Variants in DST observed in about 807,000 individuals in gnomAD.
The protein encoded by DST is dystonin.
A neutral mutation model predicts 875.2 loss-of-function variants in DST; 253 were observed. The observed-to-expected ratio is 0.29, with a 90% CI of 0.26 to 0.32. DST has a LOEUF of 0.32. DST is among the 10% of genes least tolerant of loss of function. The pLI, the probability that DST is intolerant of heterozygous loss-of-function variation, is 1.00. For synonymous variants in DST, 3,124 were observed against 3,197.1 expected (o/e 0.98, Z 0.77); for missense variants, 8,287 against 9,111.6 (o/e 0.91, Z 3.68).
At chr6:56,742,020 A>G (rs2099548639) in intron 4 of DST, among the ~76,000 whole-genome samples, 1 of 152,222 alleles carries the variant, frequency 6.6e-6, no homozygotes, top group South Asian at 2.1e-4. Flanking sequence ...TGAAATCCAA[A>G]CAAAGCTAAA....
chr6:56,679,622 T>A (rs1043227831), intron 9 of DST, among the ~76,000 whole-genome samples: 5 of 132,466 alleles, frequency 3.8e-5, no homozygotes, highest in Non-Finnish European at 7.8e-5. Flanking sequence ...AAAAAAAAAA[T>A]TAGCTGGGTA....
At position 56,611,551 on chromosome 6, in the gene DST, C is replaced by A; in HGVS notation, c.5104G>T (p.Ala1702Ser). 1 of 1,613,096 alleles carries A rather than the reference C, an allele frequency of 6.2e-7. No homozygotes were observed. Among genetic ancestry groups the A allele is most frequent in the South Asian group, 1.1e-5 (1 of 90,954 alleles). ...ISTKKEQLSE[A>S]LQTIQLFLAK... ...AAAAAAAGCTGTATAGTTTGAAGTG[C>A]TTCCGATAATTGTTCCTTCTTGGTT... Residue 1702 changes from alanine (A) to serine (S), a missense_variant, in exon 38 of 104, where the codon GCA (alanine) becomes TCA (serine). Around this residue, in one of 10 missense-constraint regions of DST, gnomAD observed 3,138 missense variants for 3,116.6 expected, o/e 1.01. Transcript: ENST00000680361.
Position 56,494,095 on chromosome 6 carries a change from T to C in DST, c.20309A>G (p.Lys6770Arg), listed in dbSNP as rs1467748281. ...TTGGTCAATATTTGTCTCTGCAGAT[T>C]TTGGGCATCTTGCAAGCATCTGCTG... ...KGQQMLARCP[K>R]SAETNIDQDI... The change falls in exon 83 of 104, where the codon AAA (lysine) becomes AGA (arginine). Residue 6770 changes from lysine to arginine, a missense_variant. Lys to Arg is a conservative substitution (Grantham distance 26). Transcript: ENST00000680361. The C allele has an allele frequency of 1.2e-6, 2 of 1,611,780 alleles. No homozygotes were observed. The highest frequency in any genetic ancestry group is 1.3e-5 in the African/African-American group (1 of 74,902).
chr6:56,926,725 G>A (rs544752238), intron 2 of DST, among the ~76,000 whole-genome samples: 1 of 151,888 alleles, frequency 6.6e-6, no homozygotes, highest in African/African-American at 2.4e-5. Flanking sequence ...GAGGAAGACT[G>A]AAGGCTCTCT....
intron 2 of DST, among the ~76,000 whole-genome samples, chr6:56,912,336 T>A (rs1330454123): frequency 6.6e-6 from 1 of 152,220 alleles, no homozygotes; most frequent in African/African-American, 2.4e-5. Context: ...TTATTTAAAT[T>A]TTAATTAATT....
At position 56,636,629 on chromosome 6, in the gene DST, C is replaced by T. The variant is rs1197703815; in HGVS notation, c.2988G>A (p.Thr996=). The T allele has an allele frequency of 1.2e-5, 20 of 1,613,376 alleles. No homozygotes were observed. The highest frequency in any genetic ancestry group is 1.6e-5 in the Non-Finnish European group (19 of 1,179,928). ...AGAGCTGTAAGATCCAGCTCCACTGCGTCTGCATTGCCGCTCTGTAGGCCT... is the reference window on the plus strand; with the variant it reads ...AGAGCTGTAAGATCCAGCTCCACTGTGTCTGCATTGCCGCTCTGTAGGCCT... ...TIEAYRAAMQ[T]QWSWILQLCQ... Residue 996 remains threonine, a synonymous_variant, in exon 23 of 104, where the codon ACG becomes ACA. Coordinates refer to ENST00000680361, the MANE Select transcript of DST (RefSeq NM_001374736.1).
chr6:56,738,659 T>C (rs2099535286), intron 4 of DST, among the ~76,000 whole-genome samples: 2 of 151,846 alleles, frequency 1.3e-5, no homozygotes, highest in Non-Finnish European at 2.9e-5. Flanking sequence ...TCTCGCTCTG[T>C]TGCCCAGGCT....
Position 56,640,514 on chromosome 6 carries a change from T to C in DST, c.2119A>G (p.Lys707Glu), listed in dbSNP as rs769832096. ...TGAGTGATTCCTGATATCATGAGCT[T>C]TGTCTGTTCTGTTGTCAGTATGCGT... ...KGRILTTEQT[K>E]LMISGITQSL... is the part of the protein sequence containing the mutation. The change falls in exon 18 of 104, where the codon AAG (lysine) becomes GAG (glutamate). Residue 707 changes from lysine (K) to glutamate (E), a missense_variant. Coordinates refer to ENST00000680361, the MANE Select transcript of DST (RefSeq NM_001374736.1). 6.2e-7 allele frequency: 1 copy of C among 1,614,046 alleles called. No individual in the cohort carries two copies. Among genetic ancestry groups the C allele is most frequent in the African/African-American group, 1.3e-5 (1 of 74,924 alleles).
intron 80 of DST, among the ~76,000 whole-genome samples, chr6:56,499,394 A>G (rs890489852): frequency 6.6e-6 from 1 of 152,150 alleles, no homozygotes; most frequent in Non-Finnish European, 1.5e-5. Flanking sequence ...GAAAGCACTC[A>G]CTTTGGTATG....
intron 58 of DST, among the ~76,000 whole-genome samples, chr6:56,559,434 T>C (rs9349828): frequency 0.33 from 49,441 of 151,898 alleles, 8,128 homozygotes; most frequent in Middle Eastern, 0.44. Context: ...CAAACTAAAA[T>C]ATACTTAGAG....
rs568934342 is a variant in DST, at chr6:56,618,569, G to A, written c.4930-4085C>T. On this transcript the variant is annotated intron_variant, in intron 36 of 103. Transcript: ENST00000680361. ...TTTCTGACATTTTTGGTAATGATTT[G>A]CTTCCATGTGCTGCCCTTGCTGCAT... 1.2e-6 allele frequency: 2 copies of A among 1,614,044 alleles called. No individual in the cohort carries two copies. The highest frequency in any genetic ancestry group is 8.5e-7 in the Non-Finnish European group (1 of 1,180,024).
intron 4 of DST, among the ~76,000 whole-genome samples, chr6:56,849,452 G>A (rs1217596398): frequency 6.6e-6 from 1 of 152,132 alleles, no homozygotes; most frequent in African/African-American, 2.4e-5. Context: ...TCTAAAGAAT[G>A]GAATTTTGAG....
rs895030618 is a variant in DST, at chr6:56,568,319, C to T, written c.14005+150G>A. On this transcript the variant is annotated intron_variant, in intron 55 of 103. Coordinates refer to ENST00000680361, the MANE Select transcript of DST (RefSeq NM_001374736.1). ...GATTAGTACAGATACATTCCCAGCA[C>T]AGTGTGCTTACAGATGCCATGTTTC... 12 of 730,750 alleles carry T rather than the reference C, an allele frequency of 1.6e-5. No individual in the cohort carries two copies. The African/African-American group carries it at 2.1e-4, about 13-fold the overall frequency. The allele number at this position is 730,750 out of a possible 1,614,324, so 45.3% of individuals were successfully genotyped here.
At chr6:56,785,597 T>A (rs1392372809) in intron 4 of DST, among the ~76,000 whole-genome samples, 1 of 152,082 alleles carries the variant, frequency 6.6e-6, no homozygotes, top group African/African-American at 2.4e-5. Context: ...TGGCCCGATT[T>A]TCCAGGTGCC....
chr6:56,625,563 C>T (rs1488065781), intron 34 of DST, among the ~76,000 whole-genome samples: 1 of 152,038 alleles, frequency 6.6e-6, no homozygotes, highest in Non-Finnish European at 1.5e-5. Flanking sequence ...GCATTACTCA[C>T]GTTTGTGGTG....
At chr6:56,816,550 C>T (rs17752046) in intron 4 of DST, among the ~76,000 whole-genome samples, 25,284 of 152,104 alleles carry the variant, frequency 0.17, 2,342 homozygotes, top group Non-Finnish European at 0.19. Context: ...TATGGTTCAA[C>T]TGCATAGCAA....
At chr6:56,636,981 G>A (rs2098831593) in intron 22 of DST, among the ~76,000 whole-genome samples, 2 of 152,146 alleles carry the variant, frequency 1.3e-5, no homozygotes, top group African/African-American at 4.8e-5. Context: ...TACTCAGGAG[G>A]CCAAGGCAGG....
At chr6:56,871,309 A>G in intron 3 of DST, 1 of 826,008 alleles carries the variant, frequency 1.2e-6, no homozygotes, top group South Asian at 1.3e-5. Flanking sequence ...AAGGGTATGC[A>G]TATACGAAAA....
chr6:56,854,269 G>A (rs1766745829), intron 3 of DST, among the ~76,000 whole-genome samples: 1 of 151,974 alleles, frequency 6.6e-6, no homozygotes, highest in Non-Finnish European at 1.5e-5. Flanking sequence ...AAGCAAATAT[G>A]TTCTCTCACC....
Sources: allele counts gnomAD v4.1 joint callset (sites outside exome capture counted in the v4.1 genomes callset), GRCh38; gene constraint gnomAD v4.1.1; regional missense constraint gnomAD v4.1.1; transcripts MANE v1.5; gene names NCBI Gene and HGNC (gene_info 2026-07-23, HGNC 2026-07-21).